FAM227B: variants seen among roughly 807,000 people sequenced by gnomAD.
FAM227B encodes protein FAM227B.
FAM227B carries 88 observed loss-of-function variants against 73.8 expected under a neutral mutation model. The observed-to-expected ratio is 1.19, with a 90% confidence interval of 1.00 to 1.42. The LOEUF is 1.42. Ranked by LOEUF, FAM227B falls within the 40% of genes most tolerant of loss-of-function variation. The pLI, the probability that FAM227B is intolerant of heterozygous loss-of-function variation, is 0.00. For synonymous variants in FAM227B, 210 were observed against 190.5 expected, an observed-to-expected ratio of 1.10 and a Z score of -0.84; for missense variants, 632 against 590.9, an observed-to-expected ratio of 1.07 and a Z score of -0.72.
At chr15:49,415,701 G>C (rs1202702575) in intron 11 of FAM227B, among the ~76,000 whole-genome samples, 1 of 152,098 alleles carries the variant, frequency 6.6e-6, no homozygotes, top group Non-Finnish European at 1.5e-5. Flanking sequence ...AGATACAAGA[G>C]TCAAGTAACT....
intron 11 of FAM227B, among the ~76,000 whole-genome samples, chr15:49,426,526 A>C (rs2050146190): frequency 6.6e-6 from 1 of 151,954 alleles, no homozygotes; most frequent in Non-Finnish European, 1.5e-5. Context: ...CAATATCTTC[A>C]ACTGGAATAC....
At chr15:49,564,941 C>G (rs1411064767) in intron 9 of FAM227B, among the ~76,000 whole-genome samples, 1 of 151,932 alleles carries the variant, frequency 6.6e-6, no homozygotes, top group Non-Finnish European at 1.5e-5. Flanking sequence ...CGTAACGAAC[C>G]TGCACGTGCA....
intron 11 of FAM227B, chr15:49,425,649 T>C (rs2050061686): frequency 1.3e-5 from 2 of 151,920 alleles, no homozygotes; most frequent in African/African-American, 2.4e-5. Flanking sequence ...TTGTTGCCTG[T>C]TTACTGAATG....
intron 9 of FAM227B, among the ~76,000 whole-genome samples, chr15:49,546,827 G>T (rs1250919620): frequency 2.6e-5 from 4 of 152,168 alleles, no homozygotes; most frequent in South Asian, 2.1e-4. Context: ...GAAAGTGATG[G>T]GGAGAATAGA....
chr15:49,347,906 C>G (rs1445957910), intron 13 of FAM227B, among the ~76,000 whole-genome samples: 1 of 151,374 alleles, frequency 6.6e-6, no homozygotes, highest in Non-Finnish European at 1.5e-5. Context: ...GTAGTCCCAG[C>G]TACTCGGGAG....
intron 5 of FAM227B, among the ~76,000 whole-genome samples, chr15:49,582,546 C>T (rs1369583514): frequency 1.3e-5 from 2 of 152,122 alleles, no homozygotes; most frequent in Non-Finnish European, 2.9e-5. Context: ...TTTTAACACG[C>T]CACTGACAAT....
chr15:49,534,384 T>C (rs1389123223), intron 10 of FAM227B, among the ~76,000 whole-genome samples: 2 of 151,860 alleles, frequency 1.3e-5, no homozygotes, highest in African/African-American at 2.4e-5. Flanking sequence ...CAAATAACAT[T>C]ATTTTTTAAT....
intron 3 of FAM227B, among the ~76,000 whole-genome samples, chr15:49,603,158 T>A (rs561229174): frequency 1.5e-3 from 232 of 152,326 alleles, no homozygotes; most frequent in African/African-American, 5.3e-3. Context: ...ATTTTAGGAT[T>A]TTCTTTTCTA....
chr15:49,493,570 G>C (rs2057310100), intron 11 of FAM227B, among the ~76,000 whole-genome samples: 1 of 151,906 alleles, frequency 6.6e-6, no homozygotes, highest in Non-Finnish European at 1.5e-5. Flanking sequence ...ACTTGGTCCT[G>C]CCTTACGATG....
At chr15:49,448,205 C>T (rs1020502848) in intron 11 of FAM227B, among the ~76,000 whole-genome samples, 4 of 151,590 alleles carry the variant, frequency 2.6e-5, no homozygotes, top group Non-Finnish European at 1.5e-5. Context: ...TTCTTTTCAA[C>T]CTTCTCCCTA....
intron 7 of FAM227B, among the ~76,000 whole-genome samples, chr15:49,575,740 G>A (rs1261688000): frequency 6.6e-6 from 1 of 151,872 alleles, no homozygotes; most frequent in East Asian, 1.9e-4. Flanking sequence ...TTCCACTGAG[G>A]ACAAATATCA....
At chr15:49,360,452 A>C (rs1207256428) in intron 13 of FAM227B, among the ~76,000 whole-genome samples, 1 of 152,136 alleles carries the variant, frequency 6.6e-6, no homozygotes, top group Non-Finnish European at 1.5e-5. Context: ...TTTGGCTCTG[A>C]GTTTTCAATT....
intron 11 of FAM227B, among the ~76,000 whole-genome samples, chr15:49,504,984 T>C (rs1174891945): frequency 6.6e-6 from 1 of 152,152 alleles, no homozygotes; most frequent in East Asian, 1.9e-4. Flanking sequence ...AGCCAAATAC[T>C]GAGAACAATA....
chr15:49,402,869 G>A, intron 11 of FAM227B, among the ~76,000 whole-genome samples: 1 of 152,274 alleles, frequency 6.6e-6, no homozygotes, highest in East Asian at 1.9e-4. Flanking sequence ...ATTTTCAATA[G>A]GAATGCTTCC....
chr15:49,414,575 A>G lies in FAM227B; in HGVS notation c.1013-43176T>C, dbSNP rs553990196. Among the ~76,000 whole-genome samples, 4 of 152,340 alleles carry G rather than the reference A, an allele frequency of 2.6e-5. No individual in the cohort carries two copies. In the South Asian group the frequency reaches 8.3e-4, roughly 32 times the overall value. On this transcript the variant is annotated intron_variant, in intron 11 of 15. Coordinates refer to ENST00000299338, the MANE Select transcript of FAM227B (RefSeq NM_152647.3). ...TTACTGATGACTTTGGGGCAGAGAA[A>G]TAACATGGTTGCAATTATATTTTAG...
chr15:49,534,471 A>G (rs1365642075), intron 10 of FAM227B, among the ~76,000 whole-genome samples: 3 of 151,860 alleles, frequency 2.0e-5, no homozygotes, highest in Admixed American at 2.0e-4. Flanking sequence ...GCCTAAATAA[A>G]CCAAAGATTA....
chr15:49,469,911 T>C (rs916127549), intron 11 of FAM227B, among the ~76,000 whole-genome samples: 1 of 152,024 alleles, frequency 6.6e-6, no homozygotes, highest in East Asian at 1.9e-4. Flanking sequence ...ATGGAGAAAA[T>C]GTAAATCCAC....
At chr15:49,545,854 G>A (rs965947383) in intron 9 of FAM227B, among the ~76,000 whole-genome samples, 1 of 151,718 alleles carries the variant, frequency 6.6e-6, no homozygotes, top group African/African-American at 2.4e-5. Context: ...GTCTGAAAGA[G>A]TACTTCATAT....
intron 11 of FAM227B, among the ~76,000 whole-genome samples, chr15:49,393,620 G>A (rs1382307851): frequency 6.6e-6 from 1 of 152,032 alleles, no homozygotes; most frequent in Non-Finnish European, 1.5e-5. Flanking sequence ...CTTTCTCAGT[G>A]AATGAGAAAT....
Sources: gnomAD v4.1 joint callset for allele counts (sites outside exome capture counted in the v4.1 genomes callset) on GRCh38, gnomAD v4.1.1 for gene constraint, MANE v1.5 for transcripts, NCBI Gene and HGNC (gene_info 2026-07-23, HGNC 2026-07-21) for gene names.